Variants in ADAMTS12 observed in about 807,000 individuals in gnomAD.
ADAMTS12 encodes the protein A disintegrin and metalloproteinase with thrombospondin motifs 12.
In ADAMTS12, 118 loss-of-function variants were observed where a neutral mutation model predicts 167.8. The ratio of observed to expected loss-of-function variants is 0.70; its 90% CI spans 0.61 to 0.82. The LOEUF (loss-of-function observed/expected upper bound fraction) is 0.82, where lower values mean the gene tolerates loss of function less well. ADAMTS12 is among the 40% of genes least tolerant of loss of function. ADAMTS12 has a pLI of 0.00. For missense variants in ADAMTS12, 1,916 were observed against 1,998.8 expected (o/e 0.96, Z 0.79); for synonymous variants, 704 against 716.9 (o/e 0.98, Z 0.29).
intron 23 of ADAMTS12, among the ~76,000 whole-genome samples, chr5:33,529,884 G>A (rs1266089979): frequency 6.6e-6 from 1 of 152,210 alleles, no homozygotes. Context: ...AAACCCCACA[G>A]GAAATTGCCT....
At position 33,527,385 on chromosome 5, in the gene ADAMTS12, A is replaced by G; in HGVS notation, c.4607-19T>C. On this transcript the variant is annotated intron_variant, in intron 23 of 23. Coordinates refer to ENST00000504830, the MANE Select transcript of ADAMTS12 (RefSeq NM_030955.4). ...AGTAAATCTGTGGAAGGAGAAAAAG[A>G]ATAAGAAAAAAGTCCAAAGATTATC... is the stretch of plus-strand genomic sequence containing the variant. 6.2e-7 allele frequency: 1 copy of G among 1,610,122 alleles called. No individual in the cohort carries two copies.
intron 3 of ADAMTS12, among the ~76,000 whole-genome samples, chr5:33,710,759 G>A (rs1743370878): frequency 6.6e-6 from 1 of 152,004 alleles, no homozygotes; most frequent in South Asian, 2.1e-4. Flanking sequence ...ATCACTTTGA[G>A]GGTGTGCCAT....
intron 3 of ADAMTS12, among the ~76,000 whole-genome samples, chr5:33,724,783 CCTT>C: frequency 6.6e-6 from 1 of 151,990 alleles, no homozygotes; most frequent in Middle Eastern, 3.4e-3. Flanking sequence ...GATCTCCTGA[CCTT>C]GTGATCCACC....
intron 23 of ADAMTS12, among the ~76,000 whole-genome samples, chr5:33,527,968 G>A (rs1049822401): frequency 2.6e-5 from 4 of 151,756 alleles, no homozygotes; most frequent in Non-Finnish European, 5.9e-5. Flanking sequence ...ACACATGCAT[G>A]TTTATAGCAG....
chr5:33,666,952 T>G lies in ADAMTS12; in HGVS notation c.916-4912A>C, dbSNP rs115976155. Among the ~76,000 whole-genome samples, 618 of 152,284 alleles carry G rather than the reference T, an allele frequency of 4.1e-3. 6 individuals are homozygous for G. Among genetic ancestry groups the G allele is most frequent in the African/African-American group, 0.015 (604 of 41,538 alleles). On this transcript the variant is annotated intron_variant, in intron 5 of 23. Transcript: ENST00000504830. ...AGCACGTTATGGCTTATCAATCACTTCCACATACTTCATCTTATTTGATTT... is the reference window on the plus strand; with the variant it reads ...AGCACGTTATGGCTTATCAATCACTGCCACATACTTCATCTTATTTGATTT...
At chr5:33,825,504 A>T (rs1480273731) in intron 2 of ADAMTS12, among the ~76,000 whole-genome samples, 3 of 152,196 alleles carry the variant, frequency 2.0e-5, no homozygotes, top group Non-Finnish European at 4.4e-5. Context: ...GGCAAAGAGG[A>T]AAATTTGTAC....
rs1738982461 is a variant in ADAMTS12, at chr5:33,615,915, C to T, written c.2301G>A (p.Leu767=). Residue 767 remains leucine (L), a synonymous_variant, in exon 15 of 24, where the codon CTG becomes CTA. Transcript: ENST00000504830. ...FIIQWNGNYK[L]AGTVFQYDRK... ...TGTCATACTGAAAGACAGTCCCTGCCAGCTTATAGTTCCCGTTCCACTGGA... is the reference window on the plus strand; with the variant it reads ...TGTCATACTGAAAGACAGTCCCTGCTAGCTTATAGTTCCCGTTCCACTGGA... The T allele has an allele frequency of 6.2e-7, 1 of 1,614,028 alleles. No homozygotes were observed. The highest frequency in any genetic ancestry group is 1.7e-5 in the Admixed American group (1 of 60,004).
Position 33,615,856 on chromosome 5 carries a change from C to A in ADAMTS12, c.2360G>T (p.Gly787Val), listed in dbSNP as rs541021370. ...GATCCACACAGACTCATTGGTGGGACCTGTGGCCATCAGCTTTTCCAGGTC... is the reference window on the plus strand; with the variant it reads ...GATCCACACAGACTCATTGGTGGGAACTGTGGCCATCAGCTTTTCCAGGTC... ...KGDLEKLMAT[G>V]PTNESVWIQL... The change falls in exon 15 of 24, where the codon GGT becomes GTT. Residue 787 changes from glycine (G) to valine (V), a missense_variant. Gly to Val is a moderately radical substitution (Grantham distance 109). Transcript: ENST00000504830. The A allele has an allele frequency of 1.2e-6, 2 of 1,614,162 alleles. No individual in the cohort carries two copies. Among genetic ancestry groups the A allele is most frequent in the South Asian group, 2.2e-5 (2 of 91,082 alleles).
In ADAMTS12 at chr5:33,784,078, C is replaced by T. The variant is rs146124752; in HGVS notation, c.490-32530G>A. Among the ~76,000 whole-genome samples, 17 of 151,706 alleles carry T rather than the reference C, an allele frequency of 1.1e-4. No homozygotes were observed. In the East Asian group the frequency reaches 1.4e-3, roughly 12 times the overall value. ...TTTTTAAATCAATTATTTTAAAACA[C>T]CAAATTAATAAAATAAAGAACAAAA... On this transcript the variant is annotated intron_variant, in intron 2 of 23. Coordinates refer to ENST00000504830, the MANE Select transcript of ADAMTS12 (RefSeq NM_030955.4).
intron 3 of ADAMTS12, chr5:33,751,200 C>A (rs1261123554): frequency 3.3e-6 from 2 of 598,640 alleles, no homozygotes; most frequent in Non-Finnish European, 5.6e-6. Context: ...CGAGTATTGA[C>A]AAGTGAAAGG....
intron 2 of ADAMTS12, among the ~76,000 whole-genome samples, chr5:33,867,706 T>C (rs775848527): frequency 6.6e-6 from 1 of 152,212 alleles, no homozygotes; most frequent in Non-Finnish European, 1.5e-5. Context: ...TACTGTTATA[T>C]ATATGTCCAC....
At chr5:33,660,657 C>G (rs1250918697) in intron 6 of ADAMTS12, among the ~76,000 whole-genome samples, 1 of 152,174 alleles carries the variant, frequency 6.6e-6, no homozygotes, top group African/African-American at 2.4e-5. Context: ...AAGCCTTCAC[C>G]TGGCCTCTTG....
At chr5:33,686,756 C>CTCT (rs1561214548) in intron 3 of ADAMTS12, among the ~76,000 whole-genome samples, 1 of 148,346 alleles carries the variant, frequency 6.7e-6, no homozygotes, top group Admixed American at 6.7e-5. Context: ...GATATATACA[C>CTCT]CTCTCTCTCT....
intron 8 of ADAMTS12, 83 bp downstream of exon 8, chr5:33,649,471 C>A: frequency 6.6e-7 from 1 of 1,511,298 alleles, no homozygotes; most frequent in Non-Finnish European, 9.0e-7. Flanking sequence ...CTTTTCCAGG[C>A]ATCAGCTTCT....
At chr5:33,564,189 GA>G (rs752022230) in intron 19 of ADAMTS12, among the ~76,000 whole-genome samples, 6 of 152,306 alleles carry the variant, frequency 3.9e-5, no homozygotes. Flanking sequence ...TAGGGATCAG[GA>G]AAAGCTTTGT....
At chr5:33,634,880 G>A (rs1264326212) in intron 12 of ADAMTS12, among the ~76,000 whole-genome samples, 4 of 151,724 alleles carry the variant, frequency 2.6e-5, no homozygotes, top group Non-Finnish European at 5.9e-5. Flanking sequence ...TTTTTCTGTA[G>A]AGGCAGGGTC....
chr5:33,591,388 G>T (rs767501195), intron 17 of ADAMTS12, among the ~76,000 whole-genome samples: 1 of 152,158 alleles, frequency 6.6e-6, no homozygotes, highest in Non-Finnish European at 1.5e-5. Flanking sequence ...GTCCAAAACT[G>T]AATTTGTTAA....
rs761646700 is a variant in ADAMTS12, at chr5:33,825,529, TTGCAGA to T, written c.489+55584_489+55589del. 3.8e-3 allele frequency among the ~76,000 whole-genome samples: 581 copies of T among 152,310 alleles called. 3 individuals carry two copies. Among genetic ancestry groups the T allele is most frequent in the Middle Eastern group, 6.8e-3 (2 of 294 alleles). ...AAAATTTGTACATTCAGGATTTGTG[TTGCAGA>T]TGCTACACAAACCCAAAAGGAACTA... On this transcript the variant is annotated intron_variant, in intron 2 of 23. Coordinates refer to ENST00000504830, the MANE Select transcript of ADAMTS12 (RefSeq NM_030955.4).
At chr5:33,823,119 A>G (rs996407684) in intron 2 of ADAMTS12, among the ~76,000 whole-genome samples, 3 of 151,916 alleles carry the variant, frequency 2.0e-5, no homozygotes, top group Middle Eastern at 3.4e-3. Context: ...AAAGAAAAAG[A>G]AAAGAAATAC....
Sources: gnomAD v4.1 joint callset for allele counts (sites outside exome capture counted in the v4.1 genomes callset) on GRCh38, gnomAD v4.1.1 for gene constraint, MANE v1.5 for transcripts, NCBI Gene and HGNC (gene_info 2026-07-23, HGNC 2026-07-21) for gene names.